SCFD2: variants seen among roughly 807,000 people sequenced by gnomAD.
The protein encoded by SCFD2 is sec1 family domain-containing protein 2.
A neutral mutation model predicts 58.9 loss-of-function variants in SCFD2; 54 were observed. The observed-to-expected ratio is 0.92, with a 90% CI of 0.74 to 1.15. The LOEUF is 1.15. Ranked by LOEUF, SCFD2 falls within the 50% of genes most tolerant of loss-of-function variation. SCFD2 has a pLI of 0.00. For synonymous variants in SCFD2, 321 were observed against 335.9 expected (o/e 0.96, Z 0.49); for missense variants, 805 against 836.6 (o/e 0.96, Z 0.47).
At chr4:53,058,934 C>T (rs747612693) in intron 5 of SCFD2, among the ~76,000 whole-genome samples, 8 of 152,050 alleles carry the variant, frequency 5.3e-5, no homozygotes, top group Non-Finnish European at 8.8e-5. Flanking sequence ...AGACAAGTGG[C>T]AAGTAACTTG....
At chr4:53,025,175 C>A (rs1050395702) in intron 5 of SCFD2, among the ~76,000 whole-genome samples, 29 of 152,288 alleles carry the variant, frequency 1.9e-4, no homozygotes, top group African/African-American at 6.5e-4. Flanking sequence ...GTGGCCACAT[C>A]TGAAACAGAA....
intron 4 of SCFD2, among the ~76,000 whole-genome samples, chr4:53,252,873 C>T (rs1162832504): frequency 6.6e-6 from 1 of 152,022 alleles, no homozygotes; most frequent in Non-Finnish European, 1.5e-5. Flanking sequence ...GCAACAAAAG[C>T]CAAAATTGAC....
chr4:53,252,664 G>T (rs1730438240), intron 4 of SCFD2, among the ~76,000 whole-genome samples: 1 of 151,954 alleles, frequency 6.6e-6, no homozygotes, highest in South Asian at 2.1e-4. Context: ...AATGGTGTTG[G>T]GAAAACTGGC....
chr4:53,278,846 C>A, intron 3 of SCFD2, among the ~76,000 whole-genome samples: 1 of 143,034 alleles, frequency 7.0e-6, no homozygotes, highest in African/African-American at 2.6e-5. Flanking sequence ...AAGAGGCTAA[C>A]TGGAATTTAA....
At chr4:53,067,006 G>C (rs1723681688) in intron 5 of SCFD2, among the ~76,000 whole-genome samples, 2 of 152,012 alleles carry the variant, frequency 1.3e-5, no homozygotes, top group Non-Finnish European at 2.9e-5. Context: ...ACTTATGCTT[G>C]TTTATGGAGA....
At chr4:53,115,736 A>G (rs935853549) in intron 5 of SCFD2, among the ~76,000 whole-genome samples, 3 of 152,170 alleles carry the variant, frequency 2.0e-5, no homozygotes, top group Non-Finnish European at 2.9e-5. Flanking sequence ...CTTTTTCCTG[A>G]CATATCTATT....
chr4:52,907,659 G>C (rs2109471948), intron 6 of SCFD2, 68 bp from the exon 7 acceptor site: 2 of 1,501,036 alleles, frequency 1.3e-6, no homozygotes, highest in Non-Finnish European at 1.8e-6. Context: ...AGCTTTATCT[G>C]CAATGAAGAA....
At chr4:53,166,173 G>A (rs1342981308) in intron 4 of SCFD2, among the ~76,000 whole-genome samples, 5 of 152,092 alleles carry the variant, frequency 3.3e-5, no homozygotes, top group Non-Finnish European at 4.4e-5. Flanking sequence ...TGATTCATTT[G>A]TCAATGAATA....
chr4:53,232,454 A>G (rs1729468831), intron 4 of SCFD2, among the ~76,000 whole-genome samples: 1 of 152,202 alleles, frequency 6.6e-6, no homozygotes, highest in South Asian at 2.1e-4. Flanking sequence ...AGACAAAAAA[A>G]CAAGACTAGT....
At chr4:53,339,489 G>A (rs2149143835) in intron 2 of SCFD2, among the ~76,000 whole-genome samples, 1 of 152,178 alleles carries the variant, frequency 6.6e-6, no homozygotes, top group South Asian at 2.1e-4. Flanking sequence ...CACTGTTAGG[G>A]CTCGGAGTGG....
chr4:53,199,973 GGA>G (rs111546825), intron 4 of SCFD2, among the ~76,000 whole-genome samples: 19,689 of 151,238 alleles, frequency 0.13, 1,412 homozygotes, highest in East Asian at 0.22. Context: ...AGCAAGAGAG[GGA>G]GAGAGAGAGA....
intron 4 of SCFD2, among the ~76,000 whole-genome samples, chr4:53,182,817 AC>A (rs1382489446): frequency 1.3e-5 from 2 of 151,282 alleles, no homozygotes; most frequent in Admixed American, 6.6e-5. Context: ...GAAAAAAAAA[AC>A]AACCCCATCA....
chr4:52,989,452 T>G (rs1404059506), intron 5 of SCFD2, among the ~76,000 whole-genome samples: 1 of 152,204 alleles, frequency 6.6e-6, no homozygotes, highest in East Asian at 1.9e-4. Flanking sequence ...GTTTCAGTAT[T>G]TGAAATGTGA....
At chr4:52,937,099 A>C (rs1309540790) in intron 5 of SCFD2, among the ~76,000 whole-genome samples, 1 of 152,344 alleles carries the variant, frequency 6.6e-6, no homozygotes, top group East Asian at 1.9e-4. Context: ...ACATGTGGCC[A>C]AAAAGGGCCT....
At chr4:52,902,021 A>C (rs1719212869) in intron 7 of SCFD2, among the ~76,000 whole-genome samples, 1 of 152,248 alleles carries the variant, frequency 6.6e-6, no homozygotes, top group South Asian at 2.1e-4. Flanking sequence ...ATTTCCCTGC[A>C]GTGCTGAGGC....
At chr4:53,230,157 C>G (rs1375962674) in intron 4 of SCFD2, among the ~76,000 whole-genome samples, 1 of 152,160 alleles carries the variant, frequency 6.6e-6, no homozygotes, top group Non-Finnish European at 1.5e-5. Flanking sequence ...AATAGGAACA[C>G]TTTTACACTG....
intron 5 of SCFD2, among the ~76,000 whole-genome samples, chr4:53,092,326 C>T (rs1264616279): frequency 6.6e-6 from 1 of 152,048 alleles, no homozygotes; most frequent in Non-Finnish European, 1.5e-5. Flanking sequence ...AAGGAAATAA[C>T]CTCAAAATTG....
chr4:52,986,720 C>T (rs1297218938), intron 5 of SCFD2, among the ~76,000 whole-genome samples: 1 of 151,884 alleles, frequency 6.6e-6, no homozygotes, highest in Non-Finnish European at 1.5e-5. Context: ...AGGATGGTCT[C>T]GATCTCCTGA....
chr4:53,092,491 T>C (rs1724500718), intron 5 of SCFD2, among the ~76,000 whole-genome samples: 1 of 152,172 alleles, frequency 6.6e-6, no homozygotes, highest in East Asian at 1.9e-4. Flanking sequence ...AACATGTACA[T>C]GAATATTCAT....
Sources: gnomAD v4.1 joint callset for allele counts (sites outside exome capture counted in the v4.1 genomes callset) on GRCh38, gnomAD v4.1.1 for gene constraint, MANE v1.5 for transcripts, NCBI Gene and HGNC (gene_info 2026-07-23, HGNC 2026-07-21) for gene names.